CAMK2D: variants seen among roughly 807,000 people sequenced by gnomAD.
The protein encoded by CAMK2D is calcium/calmodulin-dependent protein kinase type II subunit delta.
Under a neutral mutation model 84.0 loss-of-function variants are expected in CAMK2D, and 37 were observed. The ratio of observed to expected loss-of-function variants is 0.44; its 90% CI spans 0.34 to 0.58. The LOEUF (loss-of-function observed/expected upper bound fraction) is 0.58. Among genes scored for constraint, CAMK2D ranks in the 20% least tolerant of loss-of-function variants. The probability of loss-of-function intolerance (pLI) is 0.02; values close to 1 mark genes in which losing one functional copy is unlikely to be tolerated. For synonymous variants in CAMK2D, 202 were observed against 212.5 expected, an observed-to-expected ratio of 0.95 and a Z score of 0.43; for missense variants, 448 against 652.5, an observed-to-expected ratio of 0.69 and a Z score of 3.41.
chr4:113,549,854 C>T (rs2098610800), intron 5 of CAMK2D, among the ~76,000 whole-genome samples: 2 of 152,150 alleles, frequency 1.3e-5, no homozygotes, highest in South Asian at 4.1e-4. Context: ...CTATGATTTT[C>T]TAGCTCTTTT....
chr4:113,473,366 C>T (rs892350420), intron 16 of CAMK2D, among the ~76,000 whole-genome samples: 1 of 152,120 alleles, frequency 6.6e-6, no homozygotes, highest in Non-Finnish European at 1.5e-5. Flanking sequence ...GTGCAATTAG[C>T]GGCTTGTTTC....
chr4:113,512,049 A>G (rs1260985671), intron 12 of CAMK2D, among the ~76,000 whole-genome samples: 1 of 152,244 alleles, frequency 6.6e-6, no homozygotes, highest in Non-Finnish European at 1.5e-5. Flanking sequence ...TTGAAAAAAT[A>G]GCTGGACAGT....
Position 113,761,175 on chromosome 4 carries a change from T to C in CAMK2D, c.-107A>G, listed in dbSNP as rs1383735725. The C allele has an allele frequency of 6.3e-7, 1 of 1,594,778 alleles. No individual in the cohort carries two copies. Among genetic ancestry groups the C allele is most frequent in the African/African-American group, 1.3e-5 (1 of 74,764 alleles). ...GCGGCGCTGTCACCCAGGGCCGCTC[T>C]TACTTTCCTGGTCCGAAAGTAGCTC... On this transcript the variant is annotated 5_prime_UTR_variant, in exon 1 of 21. Transcript: ENST00000511664.
At chr4:113,484,971 T>C (rs1418550509) in intron 16 of CAMK2D, among the ~76,000 whole-genome samples, 1 of 152,106 alleles carries the variant, frequency 6.6e-6, no homozygotes, top group Admixed American at 6.5e-5. Context: ...ATTAAATGCA[T>C]ACGATATAAT....
intron 2 of CAMK2D, among the ~76,000 whole-genome samples, chr4:113,709,746 G>GAGATATATATATAT (rs1554070631): frequency 6.0e-5 from 3 of 49,806 alleles, no homozygotes; most frequent in Non-Finnish European, 1.0e-4. Flanking sequence ...AGCCGTGAAC[G>GAGATATATATATAT]ATATATATAT....
At chr4:113,478,480 T>A (rs1320679403) in intron 16 of CAMK2D, among the ~76,000 whole-genome samples, 1 of 152,220 alleles carries the variant, frequency 6.6e-6, no homozygotes, top group African/African-American at 2.4e-5. Context: ...TCTCTTCTTA[T>A]AAAGATTATG....
rs184603905 is a variant in CAMK2D at position 113,753,922 on chromosome 4, T to C, written c.160+5398A>G. 34 of 983,964 alleles carry C rather than the reference T, an allele frequency of 3.5e-5. No homozygotes were observed. In the East Asian group the frequency reaches 1.7e-3, roughly 49 times the overall value. The allele number at this position is 983,964 out of a possible 1,614,324, so 61.0% of individuals were successfully genotyped here. On this transcript the variant is annotated intron_variant, in intron 2 of 20. Transcript: ENST00000511664. ...AATCTTGTCCTCCTTTAAGAGCCCATAGTACTTTATTCATGCTTGAATTGT... is the reference window on the plus strand; with the variant it reads ...AATCTTGTCCTCCTTTAAGAGCCCACAGTACTTTATTCATGCTTGAATTGT...
chr4:113,571,338 C>A (rs2098752693), intron 4 of CAMK2D, among the ~76,000 whole-genome samples: 1 of 152,208 alleles, frequency 6.6e-6, no homozygotes, highest in African/African-American at 2.4e-5. Context: ...GATGTCTTCA[C>A]TCCCATACTC....
intron 17 of CAMK2D, among the ~76,000 whole-genome samples, chr4:113,462,879 A>C (rs1218241018): frequency 3.9e-5 from 6 of 152,190 alleles, no homozygotes; most frequent in Non-Finnish European, 8.8e-5. Context: ...AAAAGAGAAT[A>C]ATCTTATTCT....
At chr4:113,476,632 G>T (rs1287054395) in intron 16 of CAMK2D, among the ~76,000 whole-genome samples, 1 of 152,124 alleles carries the variant, frequency 6.6e-6, no homozygotes, top group Non-Finnish European at 1.5e-5. Flanking sequence ...GTAGAGTCTT[G>T]AATTTGCTAA....
In CAMK2D at chr4:113,577,756, A is replaced by ATTTTT. The variant is rs36039505; in HGVS notation, c.276-25665_276-25661dup. On this transcript the variant is annotated intron_variant, in intron 4 of 20. Coordinates refer to ENST00000511664, the MANE Select transcript of CAMK2D (RefSeq NM_001321571.2). ...TTTTCCTTTGGGCTCTTCGTATACT[A>ATTTTT]TTTTTTTTTTTTAGATCTAATAAGC... 1.6e-4 allele frequency among the ~76,000 whole-genome samples: 23 copies of ATTTTT among 148,100 alleles called. 1 individual carries two copies. The highest frequency in any genetic ancestry group is 5.4e-4 in the African/African-American group (22 of 40,368).
At chr4:113,500,332 C>T (rs1590227107) in intron 16 of CAMK2D, 131 bp downstream of exon 16, 3 of 492,054 alleles carry the variant, frequency 6.1e-6, no homozygotes, top group Non-Finnish European at 1.1e-5. Context: ...ATTTTTTACT[C>T]ATAAATAAAA....
chr4:113,590,384 T>C (rs1035640170), intron 4 of CAMK2D, among the ~76,000 whole-genome samples: 4 of 152,178 alleles, frequency 2.6e-5, no homozygotes, highest in Non-Finnish European at 5.9e-5. Context: ...AAGTATGTTA[T>C]TTAGGAGAAT....
intron 3 of CAMK2D, among the ~76,000 whole-genome samples, chr4:113,631,352 T>C (rs1192208085): frequency 6.6e-6 from 1 of 152,126 alleles, no homozygotes; most frequent in Non-Finnish European, 1.5e-5. Context: ...GTCTCCATTT[T>C]TTAAAAATTA....
At chr4:113,624,421 T>C (rs116238344) in intron 3 of CAMK2D, among the ~76,000 whole-genome samples, 3,729 of 152,284 alleles carry the variant, frequency 0.024, 69 homozygotes, top group Non-Finnish European at 0.042. Flanking sequence ...GGAAAATAAG[T>C]ATTTGCTGTT....
intron 2 of CAMK2D, among the ~76,000 whole-genome samples, chr4:113,694,575 G>A (rs1028227597): frequency 6.6e-6 from 1 of 152,080 alleles, no homozygotes; most frequent in Non-Finnish European, 1.5e-5. Context: ...CTGGAACATT[G>A]CCCAAGATTA....
chr4:113,730,151 C>A (rs777259757), intron 2 of CAMK2D, among the ~76,000 whole-genome samples: 19 of 152,310 alleles, frequency 1.2e-4, no homozygotes, highest in Non-Finnish European at 1.8e-4. Flanking sequence ...AAGTGTTCAA[C>A]AAAGTTGTTA....
At chr4:113,752,099 G>T (rs1440204704) in intron 2 of CAMK2D, among the ~76,000 whole-genome samples, 5 of 151,936 alleles carry the variant, frequency 3.3e-5, no homozygotes, top group Non-Finnish European at 7.4e-5. Context: ...TAGGGATGGT[G>T]ATTAGCTCTC....
rs2099399789 is a variant in CAMK2D, at chr4:113,695,447, A to T, written c.161-33675T>A. Among the ~76,000 whole-genome samples the T allele has an allele frequency of 2.0e-5, 3 of 152,118 alleles. No individual in the cohort carries two copies. In the South Asian group the frequency reaches 6.2e-4, roughly 32 times the overall value. On this transcript the variant is annotated intron_variant, in intron 2 of 20. Coordinates refer to ENST00000511664, the MANE Select transcript of CAMK2D (RefSeq NM_001321571.2). ...TAAAAGGCATATCAAATTTAACATG[A>T]CCAAACTTAGCTCTTGTTCCTTCCC...
Sources: allele counts gnomAD v4.1 joint callset (sites outside exome capture counted in the v4.1 genomes callset), GRCh38; gene constraint gnomAD v4.1.1; transcripts MANE v1.5; gene names NCBI Gene and HGNC (gene_info 2026-07-23, HGNC 2026-07-21).